MATN1: variants seen among roughly 807,000 people sequenced by gnomAD.
The protein encoded by MATN1 is matrilin 1.
In MATN1, 34 loss-of-function variants were observed where a neutral mutation model predicts 41.3. That is an observed-to-expected ratio of 0.82 (90% confidence interval 0.63 to 1.10). The LOEUF (loss-of-function observed/expected upper bound fraction) is 1.10, where lower values mean the gene tolerates loss of function less well. MATN1 is among the 50% of genes least tolerant of loss of function. The probability of loss-of-function intolerance (pLI) is 0.00; values close to 1 mark genes in which losing one functional copy is unlikely to be tolerated. For missense variants in MATN1, 602 were observed against 662.4 expected (o/e 0.91, Z 1.00); for synonymous variants, 264 against 278.7 (o/e 0.95, Z 0.53).
rs1190378999 is a variant in MATN1 at position 30,717,647 on chromosome 1, TTTTTTTGTTTTG to T, written c.665-744_665-733del. On this transcript the variant is annotated intron_variant, in intron 3 of 7. Coordinates refer to ENST00000373765, the MANE Select transcript of MATN1 (RefSeq NM_002379.3). ...TGTTGTTTTTTGTGTGTGCGGTTTT[TTTTTTTGTTTTG>T]TTTTTTTTTTGAGACGGAGTCGTCT... Among the ~76,000 whole-genome samples the T allele has an allele frequency of 1.0e-3, 122 of 118,300 alleles. 6 individuals are homozygous for T. The highest frequency in any genetic ancestry group is 4.3e-3 in the African/African-American group (116 of 27,106). The allele number at this position is 118,300 out of a possible 152,430, so 77.6% of individuals were successfully genotyped here.
chr1:30,715,195 T>C lies in MATN1; in HGVS notation c.1322A>G (p.Asn441Ser). 2 of 1,614,244 alleles carry C rather than the reference T, an allele frequency of 1.2e-6. No homozygotes were observed. Among genetic ancestry groups the C allele is most frequent in the Non-Finnish European group, 1.7e-6 (2 of 1,180,032 alleles). ...CTTCTGCAACTTCTTGCCTATCTGGTTGATGGTCTTGAAGTCAGCCGTGTA... is the reference window on the plus strand; with the variant it reads ...CTTCTGCAACTTCTTGCCTATCTGGCTGATGGTCTTGAAGTCAGCCGTGTA... ...YFYTADFKTINQIGKKLQKKI... is the reference protein window; with the variant it reads ...YFYTADFKTISQIGKKLQKKI... Residue 441 changes from asparagine to serine, a missense_variant, in exon 6 of 8, where the codon AAC becomes AGC. Physicochemically the swap from Asn to Ser is conservative, Grantham distance 46. Coordinates refer to ENST00000373765, the MANE Select transcript of MATN1 (RefSeq NM_002379.3).
chr1:30,716,884 A>T lies in MATN1; in HGVS notation c.696T>A (p.His232Gln). Residue 232 changes from histidine (H) to glutamine (Q), a missense_variant, in exon 4 of 8, where the codon CAT becomes CAA. Coordinates refer to ENST00000373765, the MANE Select transcript of MATN1 (RefSeq NM_002379.3). The part of the protein sequence containing the change: ...VVSDLCATGD[H>Q]DCEQVCISSP... ...AGCTGATGCACACCTGCTCACAGTC[A>T]TGGTCCCCTGTGGCGCACAGGTCTG... is the stretch of plus-strand genomic sequence containing the variant. The T allele has an allele frequency of 6.2e-7, 1 of 1,613,798 alleles. No individual in the cohort carries two copies. Among genetic ancestry groups the T allele is most frequent in the East Asian group, 2.2e-5 (1 of 44,872 alleles).
intron 7 of MATN1, 159 bp from the exon 8 acceptor site, chr1:30,713,790 A>T: frequency 1.5e-6 from 1 of 672,120 alleles, no homozygotes; most frequent in African/African-American, 1.8e-5. Context: ...TTTCCAAAAA[A>T]CACAGCCAGT....
chr1:30,714,388 G>A (rs905886653), intron 6 of MATN1, 61 bp from the exon 7 acceptor site: 5 of 1,391,882 alleles, frequency 3.6e-6, no homozygotes, highest in African/African-American at 2.8e-5. Flanking sequence ...CCAGGAGGAG[G>A]GAGGACAGTC....
chr1:30,718,748 C>G lies in MATN1; in HGVS notation c.651G>C (p.Gln217His), dbSNP rs1301225869. ...SVIEKLSRKF[Q>H]EAFCVVSDLC... ...CTGCCCGCGCACCGCAGAAGGCCTC[C>G]TGGAACTTCCTGGACAGCTTCTCGA... Residue 217 changes from glutamine (Q) to histidine (H), a missense_variant, in exon 3 of 8, where the codon CAG becomes CAC. Physicochemically the swap from Gln to His is conservative, Grantham distance 24. Coordinates refer to ENST00000373765, the MANE Select transcript of MATN1 (RefSeq NM_002379.3). The G allele has an allele frequency of 6.3e-7, 1 of 1,587,686 alleles. No individual in the cohort carries two copies. Among genetic ancestry groups the G allele is most frequent in the East Asian group, 2.3e-5 (1 of 43,428 alleles).
chr1:30,717,059 C>T (rs1346892266), intron 3 of MATN1, 144 bp from the exon 4 acceptor site: 5 of 849,348 alleles, frequency 5.9e-6, no homozygotes, highest in Non-Finnish European at 8.8e-6. Flanking sequence ...CCCAGGCCCC[C>T]GACTCTCAGC....
intron 2 of MATN1, chr1:30,720,521 A>G (rs1174170893): frequency 6.6e-6 from 1 of 152,378 alleles, no homozygotes; most frequent in African/African-American, 2.4e-5. Flanking sequence ...CAGTTTCACC[A>G]TCTGTAAAAT....
In MATN1 at chr1:30,721,437, C is replaced by G. The variant is rs375306811; in HGVS notation, c.409G>C (p.Gly137Arg). The change falls in exon 2 of 8, where the codon GGT (glycine) becomes CGT (arginine). Residue 137 changes from glycine (G) to arginine (R), a missense_variant. Gly to Arg is a moderately radical substitution (Grantham distance 125, BLOSUM62 -2). Coordinates refer to ENST00000373765, the MANE Select transcript of MATN1 (RefSeq NM_002379.3). ...ATGTCAGGGGACCTGGAACGACCAC[C>G]CTCTGCATCGCCGAAGGCTTTGGTG... ...AITKAFGDAE[G>R]GRSRSPDISK... The G allele has an allele frequency of 6.4e-5, 103 of 1,612,302 alleles. No homozygotes were observed. Among genetic ancestry groups the G allele is most frequent in the Non-Finnish European group, 8.5e-5 (100 of 1,178,996 alleles).
At chr1:30,717,122 G>A (rs573502008) in intron 3 of MATN1, among the ~76,000 whole-genome samples, 63 of 152,350 alleles carry the variant, frequency 4.1e-4, no homozygotes, top group African/African-American at 1.5e-3. Context: ...AGGTTATAAT[G>A]CTGATGATAA....
In MATN1 at chr1:30,716,096, C is replaced by T. The variant is rs752515657; in HGVS notation, c.1020G>A (p.Ala340=). The change falls in exon 5 of 8, where the codon GCG becomes GCA. Residue 340 remains alanine (A), a synonymous_variant. Coordinates refer to ENST00000373765, the MANE Select transcript of MATN1 (RefSeq NM_002379.3). ...CCATGTAGGACATATTCCGCACAGC[C>T]GCCTTGATGTCCTTCTTGGTGTGGA... The part of the protein sequence containing the change: ...GRFHTKKDIK[A]AVRNMSYMEK... The T allele has an allele frequency of 4.5e-5, 72 of 1,614,232 alleles. No homozygotes were observed. The highest frequency in any genetic ancestry group is 5.5e-5 in the South Asian group (5 of 91,084).
chr1:30,715,380 A>G, intron 5 of MATN1, 71 bp from the exon 6 acceptor site: 7 of 1,541,804 alleles, frequency 4.5e-6, no homozygotes, highest in African/African-American at 1.4e-5. Flanking sequence ...CCTCCTGGGG[A>G]AGGCTTAGGC....
At position 30,718,777 on chromosome 1, in the gene MATN1, C is replaced by T. The variant is rs376007540; in HGVS notation, c.622G>A (p.Val208Ile). The change falls in exon 3 of 8, where the codon GTC (valine) becomes ATC (isoleucine). Residue 208 changes from valine (V) to isoleucine (I), a missense_variant. Coordinates refer to ENST00000373765, the MANE Select transcript of MATN1 (RefSeq NM_002379.3). The part of the protein sequence containing the change: ...EHVDYVESYS[V>I]IEKLSRKFQE... Reference sequence around the variant, plus strand: ...AACTTCCTGGACAGCTTCTCGATGACGCTGTAGCTCTCCACGTAATCGACG... The same window carrying T: ...AACTTCCTGGACAGCTTCTCGATGATGCTGTAGCTCTCCACGTAATCGACG... The T allele has an allele frequency of 4.4e-6, 7 of 1,608,744 alleles. No individual in the cohort carries two copies. The highest frequency in any genetic ancestry group is 1.1e-5 in the South Asian group (1 of 90,426).
At chr1:30,715,884 C>T in intron 5 of MATN1, 25 bp downstream of exon 5, 1 of 1,598,376 alleles carries the variant, frequency 6.3e-7, no homozygotes, top group Non-Finnish European at 8.5e-7. Flanking sequence ...CAGTGGTGTC[C>T]AGGGTCCAGG....
chr1:30,721,141 G>C, intron 2 of MATN1: 1 of 488,794 alleles, frequency 2.0e-6, no homozygotes, highest in Non-Finnish European at 3.7e-6. Context: ...GCTCAGACTG[G>C]TCGGGAACCA....
At chr1:30,721,784 G>A (rs1327044328) in intron 1 of MATN1, 33 bp from the exon 2 acceptor site, 1 of 1,557,506 alleles carries the variant, frequency 6.4e-7, no homozygotes, top group Non-Finnish European at 8.7e-7. Flanking sequence ...AAGGCAGAGA[G>A]CAGAGACACA....
Position 30,715,326 on chromosome 1 carries a change from G to A in MATN1, c.1208-17C>T. 1.2e-6 allele frequency: 2 copies of A among 1,613,562 alleles called. No homozygotes were observed. The highest frequency in any genetic ancestry group is 2.2e-5 in the East Asian group (1 of 44,882). On this transcript the variant is annotated splice_polypyrimidine_tract_variant and intron_variant, in intron 5 of 7. Transcript: ENST00000373765. ...TCTTAAAGCCTGCCAGGAGGAACAGGAGAAGTAAGGCTGGACATGGGGATG... is the reference window on the plus strand; with the variant it reads ...TCTTAAAGCCTGCCAGGAGGAACAGAAGAAGTAAGGCTGGACATGGGGATG...
chr1:30,722,415 C>G (rs1569838606), intron 1 of MATN1, among the ~76,000 whole-genome samples: 1 of 152,380 alleles, frequency 6.6e-6, no homozygotes, highest in African/African-American at 2.4e-5. Context: ...CAGGTGCACA[C>G]CAAGACACAC....
At chr1:30,716,730 A>G in intron 4 of MATN1, 60 bp downstream of exon 4, 1 of 1,589,802 alleles carries the variant, frequency 6.3e-7, no homozygotes, top group Non-Finnish European at 8.6e-7. Flanking sequence ...TTTCCTGGGG[A>G]GGCCCCATCA....
chr1:30,711,747 C>T lies in MATN1; in HGVS notation c.*1835G>A, dbSNP rs1639546130. On this transcript the variant is annotated 3_prime_UTR_variant, in exon 8 of 8. Transcript: ENST00000373765. ...TCCTCCTTGGGGACACACTGCTGAGCCTTCTCAGTCCATATCAACATGGCT... is the reference window on the plus strand; with the variant it reads ...TCCTCCTTGGGGACACACTGCTGAGTCTTCTCAGTCCATATCAACATGGCT... 6.6e-6 allele frequency: 1 copy of T among 152,268 alleles called. No individual in the cohort carries two copies. The highest frequency in any genetic ancestry group is 1.5e-5 in the Non-Finnish European group (1 of 68,074). The allele number at this position is 152,268 out of a possible 1,614,324, so 9.4% of individuals were successfully genotyped here.
Sources: allele counts gnomAD v4.1 joint callset (sites outside exome capture counted in the v4.1 genomes callset), GRCh38; gene constraint gnomAD v4.1.1; transcripts MANE v1.5; gene names NCBI Gene and HGNC (gene_info 2026-07-23, HGNC 2026-07-21).